Variants in NOX4 observed in about 807,000 individuals in gnomAD.
NOX4 encodes NADPH oxidase 4, also known as kidney oxidase-1.
Under a neutral mutation model 87.6 loss-of-function variants are expected in NOX4, and 69 were observed. That is an observed-to-expected ratio of 0.79 (90% confidence interval 0.65 to 0.96). NOX4 has a LOEUF of 0.96. Ranked by LOEUF, NOX4 falls within the 40% of genes least tolerant of loss-of-function variation. NOX4 has a pLI of 0.00. For synonymous variants in NOX4, 275 were observed against 238.2 expected (o/e 1.15, Z -1.42); for missense variants, 680 against 681.5 (o/e 1.00, Z 0.02).
the NOX4 span, among the ~76,000 whole-genome samples, chr11:89,537,992 A>T: frequency 6.6e-6 from 1 of 152,184 alleles, no homozygotes; most frequent in African/African-American, 2.4e-5. Context: ...ATATGGTTGG[A>T]ACAACTAGTG....
the NOX4 span, among the ~76,000 whole-genome samples, chr11:89,546,936 G>A: frequency 5.3e-5 from 8 of 152,152 alleles, no homozygotes; most frequent in African/African-American, 7.2e-5. Context: ...TGGAGGAAAC[G>A]TTCAAACCAT....
At chr11:89,358,999 C>T (rs143038002) in intron 12 of NOX4, among the ~76,000 whole-genome samples, 50 of 151,982 alleles carry the variant, frequency 3.3e-4, no homozygotes, top group Non-Finnish European at 6.2e-4. Context: ...GTGATAATGT[C>T]TGAACGTGAT....
At chr11:89,535,705 C>T in the NOX4 span, among the ~76,000 whole-genome samples, 1 of 151,908 alleles carries the variant, frequency 6.6e-6, no homozygotes, top group African/African-American at 2.4e-5. Context: ...GGACTGTATA[C>T]AAACTTTTAA....
chr11:89,356,892 C>T (rs1005395162), intron 12 of NOX4, among the ~76,000 whole-genome samples: 4 of 152,202 alleles, frequency 2.6e-5, no homozygotes, highest in East Asian at 1.9e-4. Context: ...AGAGACCAAA[C>T]GGTCATATAT....
chr11:89,493,721 T>TGTTTTA (rs1555053297), upstream of NOX4, among the ~76,000 whole-genome samples: 2 of 142,292 alleles, frequency 1.4e-5, no homozygotes, highest in Admixed American at 7.1e-5. Context: ...GCCAGATTGT[T>TGTTTTA]TTATTATTAT....
chr11:89,445,968 G>A (rs750617986), intron 4 of NOX4, among the ~76,000 whole-genome samples: 1 of 151,872 alleles, frequency 6.6e-6, no homozygotes, highest in African/African-American at 2.4e-5. Flanking sequence ...AAGACATATC[G>A]ATAAAGGATT....
intron 11 of NOX4, among the ~76,000 whole-genome samples, chr11:89,382,660 T>C (rs569624323): frequency 2.0e-5 from 3 of 151,928 alleles, no homozygotes; most frequent in Non-Finnish European, 4.4e-5. Context: ...GGTCACTCCC[T>C]GCCAGGCTGA....
At chr11:89,467,120 A>T (rs1291188224) in intron 2 of NOX4, among the ~76,000 whole-genome samples, 4 of 151,924 alleles carry the variant, frequency 2.6e-5, no homozygotes, top group Non-Finnish European at 5.9e-5. Context: ...AGGCCAAGGC[A>T]GGCGGATCAC....
the NOX4 span, among the ~76,000 whole-genome samples, chr11:89,558,077 C>T: frequency 6.6e-6 from 1 of 152,246 alleles, no homozygotes; most frequent in South Asian, 2.1e-4. Context: ...TCTCTTGCTT[C>T]CTGCATTTGG....
At chr11:89,543,776 G>A in the NOX4 span, among the ~76,000 whole-genome samples, 1 of 151,982 alleles carries the variant, frequency 6.6e-6, no homozygotes, top group African/African-American at 2.4e-5. Context: ...TTGTCATTGT[G>A]GAAAGTAAAT....
At chr11:89,363,522 A>G (rs987238442) in intron 12 of NOX4, among the ~76,000 whole-genome samples, 3 of 152,138 alleles carry the variant, frequency 2.0e-5, no homozygotes, top group Non-Finnish European at 4.4e-5. Flanking sequence ...CAATGCCATT[A>G]TAGCTACTTG....
At chr11:89,518,873 T>C in the NOX4 span, among the ~76,000 whole-genome samples, 1 of 151,480 alleles carries the variant, frequency 6.6e-6, no homozygotes, top group South Asian at 2.1e-4. Flanking sequence ...TTAATAATTT[T>C]CCATTTAAAG....
chr11:89,578,992 T>C, the NOX4 span, among the ~76,000 whole-genome samples: 1 of 152,088 alleles, frequency 6.6e-6, no homozygotes, highest in African/African-American at 2.4e-5. Flanking sequence ...AAATGAACTA[T>C]CCAGCCATGA....
chr11:89,432,905 A>G, intron 6 of NOX4, 49 bp from the exon 7 acceptor site: 1 of 1,213,832 alleles, frequency 8.2e-7, no homozygotes, highest in Non-Finnish European at 1.2e-6. Context: ...TAGTGAGAAA[A>G]AAATACAAAA....
In NOX4 at chr11:89,434,365, C is replaced by T. The variant is rs181588786; in HGVS notation, c.476-1509G>A. Reference sequence around the variant, plus strand: ...CCAGTAGACAGTTTTAGAAGCCTAACAAAAGGTGCCCTTCCCTAATGTACC... The same window carrying T: ...CCAGTAGACAGTTTTAGAAGCCTAATAAAAGGTGCCCTTCCCTAATGTACC... On this transcript the variant is annotated intron_variant, in intron 6 of 17. Transcript: ENST00000263317. Among the ~76,000 whole-genome samples the T allele has an allele frequency of 4.6e-5, 7 of 152,198 alleles. No individual in the cohort carries two copies. In the East Asian group the frequency reaches 1.4e-3, roughly 29 times the overall value.
At chr11:89,361,454 G>A (rs997380352) in intron 12 of NOX4, among the ~76,000 whole-genome samples, 1 of 151,990 alleles carries the variant, frequency 6.6e-6, no homozygotes, top group African/African-American at 2.4e-5. Context: ...GAACTCTGGA[G>A]CGGGAATGTT....
At chr11:89,440,659 TA>T in intron 6 of NOX4, 28 bp downstream of exon 6, 1 of 1,505,858 alleles carries the variant, frequency 6.6e-7, no homozygotes, top group Non-Finnish European at 9.1e-7. Context: ...TTCCTAAACC[TA>T]AAGAAAAGGC....
At chr11:89,484,904 C>T (rs1215617443) in intron 2 of NOX4, among the ~76,000 whole-genome samples, 1 of 152,074 alleles carries the variant, frequency 6.6e-6, no homozygotes, top group Non-Finnish European at 1.5e-5. Context: ...AGTGATTTTA[C>T]AGTCTGTATA....
chr11:89,444,233 C>T lies in NOX4; in HGVS notation c.350-1G>A. 1.2e-6 allele frequency: 2 copies of T among 1,612,696 alleles called. No homozygotes were observed. The highest frequency in any genetic ancestry group is 1.7e-6 in the Non-Finnish European group (2 of 1,179,048). On this transcript the variant is annotated splice_acceptor_variant, in intron 4 of 17. Transcript: ENST00000263317. LOFTEE classifies it high-confidence loss of function. ...ACCAGATGGGCAGCCACATGCACGC[C>T]TACAGAATTACACCAGGGGTAAGTT...
Sources: gnomAD v4.1 joint callset for allele counts (sites outside exome capture counted in the v4.1 genomes callset) on GRCh38, gnomAD v4.1.1 for gene constraint, MANE v1.5 for transcripts, NCBI Gene and HGNC (gene_info 2026-07-23, HGNC 2026-07-21) for gene names.